The following CTNND2 variants were observed in gnomAD, a reference collection of about 807,000 sequenced individuals.
The protein encoded by CTNND2 is catenin delta 2.
CTNND2 carries 22 observed loss-of-function variants against 144.4 expected under a neutral mutation model. That is an observed-to-expected ratio of 0.15 (90% CI 0.11 to 0.22). The LOEUF (loss-of-function observed/expected upper bound fraction) is 0.22, where lower values mean the gene tolerates loss of function less well. Among genes scored for constraint, CTNND2 ranks in the 10% least tolerant of loss-of-function variants. The probability of loss-of-function intolerance (pLI) is 1.00; values close to 1 mark genes in which losing one functional copy is unlikely to be tolerated. For synonymous variants in CTNND2, 751 were observed against 695.6 expected, an observed-to-expected ratio of 1.08 and a Z score of -1.25; for missense variants, 1,353 against 1,618.8, an observed-to-expected ratio of 0.84 and a Z score of 2.82.
At chr5:11,718,257 A>T (rs939558932) in intron 2 of CTNND2, among the ~76,000 whole-genome samples, 1 of 152,210 alleles carries the variant, frequency 6.6e-6, no homozygotes, top group Non-Finnish European at 1.5e-5. Flanking sequence ...TAATTCAAAT[A>T]GTGGCTAATG....
At chr5:11,825,825 G>A (rs1484367467) in intron 1 of CTNND2, among the ~76,000 whole-genome samples, 4 of 151,972 alleles carry the variant, frequency 2.6e-5, no homozygotes, top group African/African-American at 4.8e-5. Flanking sequence ...AAATAACAAC[G>A]ATGCAACACT....
intron 12 of CTNND2, among the ~76,000 whole-genome samples, chr5:11,129,053 T>TAA (rs1428047137): frequency 1.8e-4 from 4 of 22,598 alleles, no homozygotes; most frequent in Non-Finnish European, 3.0e-4. Flanking sequence ...TATATATAAA[T>TAA]AAAATATATA....
At chr5:11,767,122 C>A (rs1423621890) in intron 1 of CTNND2, among the ~76,000 whole-genome samples, 1 of 152,196 alleles carries the variant, frequency 6.6e-6, no homozygotes, top group Non-Finnish European at 1.5e-5. Context: ...AAAAATCTCA[C>A]CTTTCCCTGG....
At chr5:11,161,328 A>C (rs1271790702) in intron 11 of CTNND2, among the ~76,000 whole-genome samples, 1 of 152,156 alleles carries the variant, frequency 6.6e-6, no homozygotes, top group Non-Finnish European at 1.5e-5. Context: ...TTTTATATAC[A>C]CTTTCATTTG....
intron 13 of CTNND2, among the ~76,000 whole-genome samples, chr5:11,115,210 A>G (rs1405323289): frequency 1.3e-5 from 2 of 152,190 alleles, no homozygotes; most frequent in African/African-American, 4.8e-5. Flanking sequence ...TGATCTACCA[A>G]GTCTCCCAGG....
At chr5:11,782,545 T>A (rs1336063935) in intron 1 of CTNND2, among the ~76,000 whole-genome samples, 3 of 152,242 alleles carry the variant, frequency 2.0e-5, no homozygotes, top group African/African-American at 4.8e-5. Context: ...CAAGCCTTCA[T>A]AAATGTATGT....
chr5:11,183,926 T>G (rs1377717769), intron 11 of CTNND2, among the ~76,000 whole-genome samples: 3 of 152,110 alleles, frequency 2.0e-5, no homozygotes, highest in African/African-American at 7.2e-5. Flanking sequence ...CCTCTTTCTC[T>G]TTCTCTCAAA....
chr5:11,486,258 T>C (rs1343237237), intron 3 of CTNND2, among the ~76,000 whole-genome samples: 1 of 152,078 alleles, frequency 6.6e-6, no homozygotes, highest in Non-Finnish European at 1.5e-5. Flanking sequence ...TCACACTAGG[T>C]GATAATATCC....
At chr5:11,372,815 G>C (rs1018558688) in intron 7 of CTNND2, among the ~76,000 whole-genome samples, 1 of 152,212 alleles carries the variant, frequency 6.6e-6, no homozygotes, top group African/African-American at 2.4e-5. Context: ...TGCTGGCGCT[G>C]CTGGTCCACG....
chr5:11,296,351 G>A (rs1371512513), intron 9 of CTNND2, among the ~76,000 whole-genome samples: 1 of 152,132 alleles, frequency 6.6e-6, no homozygotes, highest in Admixed American at 6.5e-5. Flanking sequence ...TGGAGAGGAT[G>A]TGGAGAAAAA....
At chr5:11,096,613 G>A (rs1751374941) in intron 15 of CTNND2, among the ~76,000 whole-genome samples, 1 of 152,120 alleles carries the variant, frequency 6.6e-6, no homozygotes, top group African/African-American at 2.4e-5. Flanking sequence ...TGAACATATG[G>A]AATATAGAGT....
rs140777269 is a variant in CTNND2, at chr5:11,827,900, A to C, written c.37+75917T>G. Among the ~76,000 whole-genome samples, 296 of 152,340 alleles carry C rather than the reference A, an allele frequency of 1.9e-3. 1 individual carries two copies. The highest frequency in any genetic ancestry group is 3.4e-3 in the Middle Eastern group (1 of 294). ...TTTTGCAAAATATAGAAGGAACTGA[A>C]CACTTCTTAAATCATTTTATGAGGC... On this transcript the variant is annotated intron_variant, in intron 1 of 21. Transcript: ENST00000304623.
Position 11,468,044 on chromosome 5 carries a change from CGT to C in CTNND2, c.288-55977_288-55976del, listed in dbSNP as rs556534366. Among the ~76,000 whole-genome samples the C allele has an allele frequency of 1.4e-4, 22 of 152,302 alleles. No homozygotes were observed. In the South Asian group the frequency reaches 4.1e-3, roughly 29 times the overall value. On this transcript the variant is annotated intron_variant, in intron 3 of 21. Coordinates refer to ENST00000304623, the MANE Select transcript of CTNND2 (RefSeq NM_001332.4). ...TGCTAATTTCAACTGGGGAGTTAAA[CGT>C]GTGTCTGTGTGAAGTCCCAATCTGC...
intron 2 of CTNND2, among the ~76,000 whole-genome samples, chr5:11,688,231 C>G (rs940870429): frequency 2.0e-5 from 3 of 152,088 alleles, no homozygotes; most frequent in Admixed American, 6.6e-5. Context: ...GTCTCTGCCC[C>G]CAGAGGACAT....
chr5:11,345,403 A>C (rs1754668551), intron 9 of CTNND2, among the ~76,000 whole-genome samples: 1 of 152,246 alleles, frequency 6.6e-6, no homozygotes, highest in Non-Finnish European at 1.5e-5. Flanking sequence ...ATTGTGCTAA[A>C]GTAGCTATCT....
At chr5:11,888,718 T>A (rs571479420) in intron 1 of CTNND2, among the ~76,000 whole-genome samples, 5 of 151,946 alleles carry the variant, frequency 3.3e-5, no homozygotes, top group Admixed American at 3.3e-4. Context: ...GTCGGCCTGG[T>A]TGTGTATTTT....
At chr5:11,165,412 T>C (rs1759215651) in intron 11 of CTNND2, among the ~76,000 whole-genome samples, 1 of 152,206 alleles carries the variant, frequency 6.6e-6, no homozygotes. Context: ...ATTTTCAGCA[T>C]TCATAACAAA....
chr5:11,189,082 T>C (rs1445864294), intron 11 of CTNND2, among the ~76,000 whole-genome samples: 1 of 152,200 alleles, frequency 6.6e-6, no homozygotes, highest in Non-Finnish European at 1.5e-5. Flanking sequence ...ACAATGGTTC[T>C]GTTAATAGAT....
intron 2 of CTNND2, among the ~76,000 whole-genome samples, chr5:11,719,875 C>CAA (rs1786565304): frequency 1.3e-5 from 2 of 148,516 alleles, no homozygotes; most frequent in Non-Finnish European, 3.0e-5. Flanking sequence ...CACACACACA[C>CAA]ACCACAGATC....
Sources: allele counts gnomAD v4.1 joint callset (sites outside exome capture counted in the v4.1 genomes callset), GRCh38; gene constraint gnomAD v4.1.1; transcripts MANE v1.5; gene names NCBI Gene and HGNC (gene_info 2026-07-23, HGNC 2026-07-21).